MTUS2: variants seen among roughly 807,000 people sequenced by gnomAD.
MTUS2 encodes microtubule associated scaffold protein 2.
A neutral mutation model predicts 114.1 loss-of-function variants in MTUS2; 40 were observed. The observed-to-expected ratio is 0.35, with a 90% CI of 0.27 to 0.46. MTUS2 has a LOEUF of 0.46. Ranked by LOEUF, MTUS2 falls within the 20% of genes least tolerant of loss-of-function variation. MTUS2 has a pLI of 1.00. For missense variants in MTUS2, 1,679 were observed against 1,705.4 expected, an observed-to-expected ratio of 0.98 and a Z score of 0.27; for synonymous variants, 688 against 672.0, an observed-to-expected ratio of 1.02 and a Z score of -0.37.
At chr13:29,431,284 G>T (rs1876971789) in intron 8 of MTUS2, among the ~76,000 whole-genome samples, 1 of 152,154 alleles carries the variant, frequency 6.6e-6, no homozygotes, top group Non-Finnish European at 1.5e-5. Context: ...AAAGTTGTTT[G>T]TGCTTATGTA....
intron 2 of MTUS2, among the ~76,000 whole-genome samples, chr13:28,888,405 T>G (rs573495862): frequency 4.0e-5 from 6 of 148,316 alleles, no homozygotes; most frequent in Non-Finnish European, 7.4e-5. Flanking sequence ...TCTATCTGGT[T>G]TTCCTCTTGG....
chr13:29,227,598 C>G (rs1896161477), intron 5 of MTUS2, among the ~76,000 whole-genome samples: 1 of 152,212 alleles, frequency 6.6e-6, no homozygotes, highest in African/African-American at 2.4e-5. Context: ...TCTGGTGCTA[C>G]ATGGGTTGGC....
At chr13:29,477,153 G>A (rs1038278909) in intron 9 of MTUS2, among the ~76,000 whole-genome samples, 4 of 152,032 alleles carry the variant, frequency 2.6e-5, no homozygotes, top group African/African-American at 7.2e-5. Flanking sequence ...TTGTCTGTAG[G>A]GTGACTTTGT....
chr13:29,095,522 G>A (rs1890141347), intron 4 of MTUS2, among the ~76,000 whole-genome samples: 2 of 151,398 alleles, frequency 1.3e-5, no homozygotes, highest in Admixed American at 1.3e-4. Flanking sequence ...ATCTTCTGAT[G>A]TATACATTAA....
At position 29,505,576 on chromosome 13, in the gene MTUS2, C is replaced by T. The variant is rs1317371660; in HGVS notation, c.*2370C>T. 2 of 231,604 alleles carry T rather than the reference C, an allele frequency of 8.6e-6. No homozygotes were observed. The highest frequency in any genetic ancestry group is 1.7e-5 in the Non-Finnish European group (2 of 117,290). The allele number at this position is 231,604 out of a possible 1,614,324, so 14.3% of individuals were successfully genotyped here. A position where few individuals can be genotyped will look rare whatever the true frequency, so the allele number is the denominator to read the frequency against. ...TGTGCCTCCTTCTCAATTCTTCCAC[C>T]CCCCCACACCATCAGAATTCGGATT... On this transcript the variant is annotated 3_prime_UTR_variant, in exon 16 of 16. Coordinates refer to ENST00000612955, the MANE Select transcript of MTUS2 (RefSeq NM_001033602.4).
chr13:29,270,382 G>T (rs117439721), intron 5 of MTUS2, among the ~76,000 whole-genome samples: 1 of 152,098 alleles, frequency 6.6e-6, no homozygotes, highest in African/African-American at 2.4e-5. Flanking sequence ...ATCCTCTGCC[G>T]CATGCCTGTC....
At chr13:29,053,910 C>G (rs891687519) in intron 4 of MTUS2, among the ~76,000 whole-genome samples, 1 of 152,172 alleles carries the variant, frequency 6.6e-6, no homozygotes. Flanking sequence ...TATGGTTTCA[C>G]TTCTCTTGGA....
chr13:28,861,874 A>ACCCGT (rs1186434402), intron 2 of MTUS2, among the ~76,000 whole-genome samples: 1 of 152,002 alleles, frequency 6.6e-6, no homozygotes, highest in Non-Finnish European at 1.5e-5. Flanking sequence ...GGTTTCCCTG[A>ACCCGT]CCCGTCCCTA....
At chr13:29,057,608 A>G (rs781662879) in intron 4 of MTUS2, among the ~76,000 whole-genome samples, 2 of 152,170 alleles carry the variant, frequency 1.3e-5, no homozygotes, top group Non-Finnish European at 2.9e-5. Context: ...GCCTGAAATT[A>G]GAATAGCAAT....
At chr13:28,885,851 T>C (rs1048616560) in intron 2 of MTUS2, among the ~76,000 whole-genome samples, 3 of 152,146 alleles carry the variant, frequency 2.0e-5, no homozygotes, top group Non-Finnish European at 4.4e-5. Flanking sequence ...AAGTAAAATA[T>C]ATGTTAAGAT....
chr13:28,826,800 A>G (rs752834840), intron 1 of MTUS2, among the ~76,000 whole-genome samples: 11 of 152,268 alleles, frequency 7.2e-5, no homozygotes, highest in Non-Finnish European at 1.3e-4. Context: ...GCCTTGGATT[A>G]CAATAAATGA....
intron 12 of MTUS2, among the ~76,000 whole-genome samples, chr13:29,493,637 A>G (rs1882339822): frequency 6.6e-6 from 1 of 152,104 alleles, no homozygotes; most frequent in Non-Finnish European, 1.5e-5. Context: ...TCTCCAGTGT[A>G]CTCTTCAAAA....
chr13:29,423,756 A>G (rs1264528966), intron 8 of MTUS2, among the ~76,000 whole-genome samples: 4 of 152,248 alleles, frequency 2.6e-5, no homozygotes, highest in African/African-American at 9.6e-5. Context: ...CTTCCTGTAC[A>G]AACTATATTG....
At chr13:28,998,234 C>A (rs916015987) in intron 2 of MTUS2, among the ~76,000 whole-genome samples, 1 of 152,202 alleles carries the variant, frequency 6.6e-6, no homozygotes, top group South Asian at 2.1e-4. Context: ...TCTCTTCTGG[C>A]TTGTAGAGTT....
At chr13:29,396,112 G>A (rs751707896) in intron 8 of MTUS2, among the ~76,000 whole-genome samples, 1 of 152,068 alleles carries the variant, frequency 6.6e-6, no homozygotes, top group Admixed American at 6.6e-5. Flanking sequence ...ACCCACTGGG[G>A]GCAGAATTTG....
chr13:29,072,904 C>T (rs1889009208), intron 4 of MTUS2, among the ~76,000 whole-genome samples: 1 of 152,190 alleles, frequency 6.6e-6, no homozygotes, highest in African/African-American at 2.4e-5. Context: ...GCAGATCTGT[C>T]CAGCAACAAA....
intron 8 of MTUS2, among the ~76,000 whole-genome samples, chr13:29,396,148 C>G (rs1262215561): frequency 6.6e-6 from 1 of 152,178 alleles, no homozygotes; most frequent in Non-Finnish European, 1.5e-5. Context: ...AAGAAAAAGA[C>G]TTTTTAAAAA....
intron 2 of MTUS2, among the ~76,000 whole-genome samples, chr13:28,963,664 A>G (rs112807897): frequency 1.9e-4 from 29 of 152,180 alleles, no homozygotes; most frequent in African/African-American, 5.8e-4. Context: ...ACAGTCCCCT[A>G]TGCAGAAGCA....
intron 9 of MTUS2, among the ~76,000 whole-genome samples, chr13:29,470,915 G>A (rs1880233597): frequency 6.6e-6 from 1 of 152,176 alleles, no homozygotes; most frequent in Non-Finnish European, 1.5e-5. Flanking sequence ...AAGTCTGTTT[G>A]AATGGTGTCT....
Sources: allele counts gnomAD v4.1 joint callset (sites outside exome capture counted in the v4.1 genomes callset), GRCh38; gene constraint gnomAD v4.1.1; transcripts MANE v1.5; gene names NCBI Gene and HGNC (gene_info 2026-07-23, HGNC 2026-07-21).